Variants in MEF2A observed in about 807,000 individuals in gnomAD.
MEF2A encodes the protein myocyte enhancer factor 2A.
Under a neutral mutation model 55.8 loss-of-function variants are expected in MEF2A, and 28 were observed. That is an observed-to-expected ratio of 0.50 (90% CI 0.37 to 0.69). MEF2A has a LOEUF of 0.69. MEF2A is among the 30% of genes least tolerant of loss of function. The probability of loss-of-function intolerance (pLI) is 0.00; values close to 1 mark genes in which losing one functional copy is unlikely to be tolerated. For missense variants in MEF2A, 528 were observed against 626.2 expected (o/e 0.84, Z 1.67); for synonymous variants, 239 against 227.1 (o/e 1.05, Z -0.47).
Position 99,674,424 on chromosome 15 carries a change from C to G in MEF2A, c.422C>G (p.Ser141Cys), listed in dbSNP as rs1427865641. 6 of 1,612,872 alleles carry G rather than the reference C, an allele frequency of 3.7e-6. No homozygotes were observed. The highest frequency in any genetic ancestry group is 5.1e-6 in the Non-Finnish European group (6 of 1,179,150). Residue 141 changes from serine to cysteine, a missense_variant, in exon 6 of 12, where the codon TCT becomes TGT. By Grantham distance (112) the Ser-to-Cys change is moderately radical (BLOSUM62 -1). Around this residue, in one of 2 missense-constraint regions of MEF2A, gnomAD observed 450 missense variants for 475.3 expected, o/e 0.95. Transcript: ENST00000557942. ...PGLPPQNFSMSVTVPVTSPNA... is the reference protein window; with the variant it reads ...PGLPPQNFSMCVTVPVTSPNA... ...CTGCCACCTCAGAACTTTTCAATGT[C>G]TGTCACAGTTCCAGTGACCAGCCCC...
intron 4 of MEF2A, among the ~76,000 whole-genome samples, chr15:99,666,446 G>A (rs780286959): frequency 4.0e-5 from 6 of 151,760 alleles, no homozygotes; most frequent in Non-Finnish European, 8.8e-5. Flanking sequence ...AGGGAGTGGG[G>A]GGCTAGTCTA....
intron 3 of MEF2A, among the ~76,000 whole-genome samples, chr15:99,642,598 C>A (rs1282934994): frequency 6.6e-6 from 1 of 152,090 alleles, no homozygotes; most frequent in Admixed American, 6.5e-5. Flanking sequence ...TTATCTCTGA[C>A]AGTTTTTGGC....
intron 8 of MEF2A, among the ~76,000 whole-genome samples, chr15:99,692,480 A>G (rs1160544051): frequency 1.3e-5 from 2 of 152,226 alleles, no homozygotes; most frequent in African/African-American, 4.8e-5. Context: ...CTCCAGAGTC[A>G]AAGACACTGT....
At position 99,690,282 on chromosome 15, in the gene MEF2A, G is replaced by C; in HGVS notation, c.712G>C (p.Gly238Arg). Reference sequence around the variant, plus strand: ...CTCAAGAGCTTCTCCAAATTTGATTGGAGCTACTGGTGCAAATAGCTTAGG... The same window carrying C: ...CTCAAGAGCTTCTCCAAATTTGATTCGAGCTACTGGTGCAAATAGCTTAGG... ...VNSRASPNLI[G>R]ATGANSLGKV... Residue 238 changes from glycine (G) to arginine (R), a missense_variant, in exon 8 of 12, where the codon GGA becomes CGA. Around this residue, in one of 2 missense-constraint regions of MEF2A, gnomAD observed 450 missense variants for 475.3 expected, o/e 0.95. Transcript: ENST00000557942. 6.2e-7 allele frequency: 1 copy of C among 1,613,708 alleles called. No individual in the cohort carries two copies. The highest frequency in any genetic ancestry group is 1.1e-5 in the South Asian group (1 of 91,000).
intron 2 of MEF2A, among the ~76,000 whole-genome samples, chr15:99,604,146 A>G (rs980434713): frequency 1.3e-5 from 2 of 152,152 alleles, no homozygotes; most frequent in African/African-American, 4.8e-5. Context: ...TGGGCCTTGT[A>G]TGGTTTTCTT....
chr15:99,619,282 C>G (rs528147869), intron 2 of MEF2A, among the ~76,000 whole-genome samples: 1 of 152,094 alleles, frequency 6.6e-6, no homozygotes, highest in Non-Finnish European at 1.5e-5. Flanking sequence ...CTAGCTGCTC[C>G]GAAAACCAAG....
At chr15:99,589,003 C>T (rs1211494454) in intron 1 of MEF2A, among the ~76,000 whole-genome samples, 1 of 152,126 alleles carries the variant, frequency 6.6e-6, no homozygotes, top group Non-Finnish European at 1.5e-5. Flanking sequence ...ACCCAAGTGA[C>T]ACTGGTATGA....
In MEF2A at chr15:99,708,267, C is replaced by CTT. The variant is rs533560117; in HGVS notation, c.1009+1413_1009+1414insTT. 3.5e-3 allele frequency among the ~76,000 whole-genome samples: 533 copies of CTT among 152,284 alleles called. 2 individuals are homozygous for CTT. Among genetic ancestry groups the CTT allele is most frequent in the African/African-American group, 0.012 (500 of 41,534 alleles). On this transcript the variant is annotated intron_variant, in intron 10 of 11. Coordinates refer to ENST00000557942, the MANE Select transcript of MEF2A (RefSeq NM_001319206.4). ...ATTGTTGTGATTGTGAATTTATACT[C>CTT]TGAGAATTGAGAAGGGAGGGCAAAG...
chr15:99,630,830 C>G lies in MEF2A; in HGVS notation c.-142-2148C>G, dbSNP rs142888906. ...GAGTATAGTTCTTTGGAGTCTGTCCCTATGCCTGATGTGTTTGCCAGGGCT... is the reference window on the plus strand; with the variant it reads ...GAGTATAGTTCTTTGGAGTCTGTCCGTATGCCTGATGTGTTTGCCAGGGCT... On this transcript the variant is annotated intron_variant, in intron 2 of 11. Coordinates refer to ENST00000557942, the MANE Select transcript of MEF2A (RefSeq NM_001319206.4). 6.8e-3 allele frequency among the ~76,000 whole-genome samples: 1,030 copies of G among 152,226 alleles called. 10 individuals carry two copies. The highest frequency in any genetic ancestry group is 0.024 in the African/African-American group (982 of 41,530).
rs760715529 is a variant in MEF2A, at chr15:99,706,781, T to C, written c.935T>C (p.Val312Ala). ...GCCACTCAACCTCTTGCTACCCCAG[T>C]CGTGTCTGTGACAACCCCAAGCTTG... Reference protein sequence around the residue: ...SQATQPLATPVVSVTTPSLPP... With the variant: ...SQATQPLATPAVSVTTPSLPP... The change falls in exon 10 of 12, where the codon GTC becomes GCC. Residue 312 changes from valine to alanine, a missense_variant. Val to Ala is a moderately conservative substitution (Grantham distance 64, BLOSUM62 0). Transcript: ENST00000557942. 3.1e-6 allele frequency: 5 copies of C among 1,613,984 alleles called. No homozygotes were observed. The highest frequency in any genetic ancestry group is 4.2e-6 in the Non-Finnish European group (5 of 1,179,852).
At chr15:99,588,692 C>G (rs1212962701) in intron 1 of MEF2A, among the ~76,000 whole-genome samples, 1 of 152,006 alleles carries the variant, frequency 6.6e-6, no homozygotes, top group African/African-American at 2.4e-5. Context: ...GTTTTCTTGC[C>G]TCAGCCTCCC....
chr15:99,695,975 A>G, intron 8 of MEF2A, among the ~76,000 whole-genome samples: 1 of 152,224 alleles, frequency 6.6e-6, no homozygotes. Context: ...GCTAAAGCAG[A>G]CCTATTAATT....
chr15:99,673,668 A>G (rs150874882), intron 5 of MEF2A, among the ~76,000 whole-genome samples: 1 of 152,168 alleles, frequency 6.6e-6, no homozygotes, highest in African/African-American at 2.4e-5. Flanking sequence ...AAAAGGGGAT[A>G]TGGAATAATT....
intron 8 of MEF2A, among the ~76,000 whole-genome samples, chr15:99,700,051 G>A (rs1256064365): frequency 8.2e-5 from 12 of 145,676 alleles, no homozygotes; most frequent in Non-Finnish European, 1.8e-4. Context: ...GTAGAGACGG[G>A]GTTTCGCCAT....
intron 1 of MEF2A, among the ~76,000 whole-genome samples, chr15:99,584,595 G>GTT (rs978440697): frequency 3.3e-5 from 5 of 152,180 alleles, no homozygotes; most frequent in Non-Finnish European, 2.9e-5. Flanking sequence ...CACATATTGT[G>GTT]TAATTCCATT....
At position 99,601,841 on chromosome 15, in the gene MEF2A, GTGTGTGTGTGTGTGTGTC is replaced by G. The variant is rs757988219; in HGVS notation, c.-143+3331_-143+3348del. ...TGTGTGTGTGTGTGTGTGTGTGTGT[GTGTGTGTGTGTGTGTGTC>G]AGGGTAATGCTGGTCTCAGAATGAG... On this transcript the variant is annotated intron_variant, in intron 2 of 11. Transcript: ENST00000557942. Among the ~76,000 whole-genome samples, 608 of 107,592 alleles carry G rather than the reference GTGTGTGTGTGTGTGTGTC, an allele frequency of 5.7e-3. 2 individuals are homozygous for G. Among genetic ancestry groups the G allele is most frequent in the Middle Eastern group, 0.018 (3 of 168 alleles). 70.6% of individuals were successfully genotyped at this position (107,592 alleles called of 152,430 possible).
intron 4 of MEF2A, among the ~76,000 whole-genome samples, chr15:99,661,848 C>T (rs547033901): frequency 6.6e-6 from 1 of 151,134 alleles, no homozygotes; most frequent in East Asian, 2.0e-4. Context: ...TCCACAGCAG[C>T]ATTTTTATAG....
chr15:99,700,250 G>C (rs1361638614), intron 8 of MEF2A, among the ~76,000 whole-genome samples: 2 of 139,544 alleles, frequency 1.4e-5, no homozygotes, highest in Non-Finnish European at 3.1e-5. Flanking sequence ...ACAGTGGCTC[G>C]TGCCTGTAAT....
At chr15:99,684,598 G>T (rs2053864511) in intron 7 of MEF2A, among the ~76,000 whole-genome samples, 1 of 152,150 alleles carries the variant, frequency 6.6e-6, no homozygotes, top group African/African-American at 2.4e-5. Context: ...GTAGATTCTG[G>T]ATATTAGTCC....
Sources: gnomAD v4.1 joint callset for allele counts (sites outside exome capture counted in the v4.1 genomes callset) on GRCh38, gnomAD v4.1.1 for gene constraint, gnomAD v4.1.1 regional missense constraint, MANE v1.5 for transcripts, NCBI Gene and HGNC (gene_info 2026-07-23, HGNC 2026-07-21) for gene names.